The following HDLBP variants were observed in gnomAD, a reference collection of about 807,000 sequenced individuals.
HDLBP encodes the protein high density lipoprotein binding protein, also known as vigilin.
HDLBP carries 30 observed loss-of-function variants against 137.3 expected under a neutral mutation model. The observed-to-expected ratio is 0.22, with a 90% CI of 0.16 to 0.30. HDLBP has a LOEUF of 0.30. Among genes scored for constraint, HDLBP ranks in the 10% least tolerant of loss-of-function variants. HDLBP has a pLI of 1.00. For missense variants in HDLBP, 1,119 were observed against 1,667.3 expected (o/e 0.67, Z 5.73); for synonymous variants, 606 against 596.0 (o/e 1.02, Z -0.24).
intron 24 of HDLBP, among the ~76,000 whole-genome samples, chr2:241,231,791 T>C (rs537960401): frequency 4.6e-5 from 7 of 151,930 alleles, no homozygotes; most frequent in African/African-American, 7.3e-5. Context: ...GTTCAGGGCA[T>C]AGAGAAGGAA....
intron 1 of HDLBP, among the ~76,000 whole-genome samples, chr2:241,292,858 C>T (rs1278123202): frequency 1.3e-5 from 2 of 152,010 alleles, no homozygotes; most frequent in African/African-American, 2.4e-5. Context: ...ACTGCCTGTA[C>T]AAAAATAAAA....
Position 241,282,343 on chromosome 2 carries a change from C to A in HDLBP, c.-102-13802G>T, listed in dbSNP as rs909832792. Reference sequence around the variant, plus strand: ...TTGGCAAAAATAAAATCTGAAGACTCAAAAAAAAGTGTGGGAAAACAGGTG... The same window carrying A: ...TTGGCAAAAATAAAATCTGAAGACTAAAAAAAAAGTGTGGGAAAACAGGTG... On this transcript the variant is annotated intron_variant, in intron 1 of 27. Coordinates refer to ENST00000310931, the MANE Select transcript of HDLBP (RefSeq NM_005336.6). 6.6e-5 allele frequency among the ~76,000 whole-genome samples: 10 copies of A among 151,970 alleles called. No individual in the cohort carries two copies. In the South Asian group the frequency reaches 2.1e-3, roughly 32 times the overall value.
chr2:241,269,955 T>C (rs78825592), intron 1 of HDLBP, among the ~76,000 whole-genome samples: 2,434 of 152,250 alleles, frequency 0.016, 42 homozygotes, highest in African/African-American at 0.043. Flanking sequence ...CGGGCTCCAA[T>C]GTCACTTCTT....
chr2:241,300,435 C>T (rs534514468), intron 1 of HDLBP, among the ~76,000 whole-genome samples: 1 of 152,282 alleles, frequency 6.6e-6, no homozygotes, highest in South Asian at 2.1e-4. Flanking sequence ...CATCAATCAG[C>T]AAGGGCTTAA....
At chr2:241,247,970 T>C (rs2071808214) in intron 14 of HDLBP, 33 bp downstream of exon 14, 1 of 1,467,140 alleles carries the variant, frequency 6.8e-7, no homozygotes, top group East Asian at 2.3e-5. Context: ...CCCCAGGTGC[T>C]GTCATACAAG....
At chr2:241,290,917 T>C (rs1366230163) in intron 1 of HDLBP, among the ~76,000 whole-genome samples, 2 of 152,224 alleles carry the variant, frequency 1.3e-5, no homozygotes, top group African/African-American at 4.8e-5. Context: ...TAAGAATATA[T>C]TGTATGAAAA....
chr2:241,259,405 T>C (rs1327064324), intron 5 of HDLBP, among the ~76,000 whole-genome samples: 1 of 152,188 alleles, frequency 6.6e-6, no homozygotes, highest in Non-Finnish European at 1.5e-5. Context: ...TGAAATACTT[T>C]AAAAATTGAC....
chr2:241,230,539 G>A lies in HDLBP; in HGVS notation c.3474+220C>T, dbSNP rs746287153. Among the ~76,000 whole-genome samples the A allele has an allele frequency of 6.6e-5, 10 of 152,234 alleles. No individual in the cohort carries two copies. The highest frequency in any genetic ancestry group is 1.3e-4 in the Non-Finnish European group (9 of 68,044). ...CAGAGGACGAGCTCGCCAGGCAGCT[G>A]TCAAGGAGATGCCCTCCTAATGGCC... On this transcript the variant is annotated intron_variant, in intron 25 of 27. Transcript: ENST00000310931. The surrounding 1 kb of genome is among the most constrained non-coding windows in gnomAD (Gnocchi z 5.0).
At chr2:241,312,837 GATATC>G (rs1161857599) in intron 1 of HDLBP, among the ~76,000 whole-genome samples, 1 of 152,216 alleles carries the variant, frequency 6.6e-6, no homozygotes, top group Non-Finnish European at 1.5e-5. Context: ...AGGATCGTAA[GATATC>G]CCAGTGGACC....
chr2:241,266,344 A>G (rs2073674554), intron 3 of HDLBP, among the ~76,000 whole-genome samples: 1 of 152,152 alleles, frequency 6.6e-6, no homozygotes, highest in Non-Finnish European at 1.5e-5. Context: ...AAAATTGTAC[A>G]CGTGGCTTGT....
intron 1 of HDLBP, among the ~76,000 whole-genome samples, chr2:241,299,003 A>G (rs1453418852): frequency 6.6e-6 from 1 of 152,228 alleles, no homozygotes; most frequent in Non-Finnish European, 1.5e-5. Flanking sequence ...CAACGCATTC[A>G]TGTTGATTTC....
chr2:241,313,383 G>A (rs1249055846), intron 1 of HDLBP, among the ~76,000 whole-genome samples: 1 of 152,128 alleles, frequency 6.6e-6, no homozygotes, highest in African/African-American at 2.4e-5. Context: ...GGGTTCAAGC[G>A]ATTCTCATGC....
chr2:241,259,256 A>C (rs2072961140), intron 5 of HDLBP, among the ~76,000 whole-genome samples: 1 of 152,238 alleles, frequency 6.6e-6, no homozygotes, highest in Non-Finnish European at 1.5e-5. Context: ...CTCTCAAACA[A>C]CAAACAACAA....
chr2:241,267,720 G>A, intron 2 of HDLBP: 6 of 1,534,304 alleles, frequency 3.9e-6, no homozygotes, highest in Non-Finnish European at 5.2e-6. Flanking sequence ...TGCGTGACAG[G>A]AAAAAGCAGC....
At chr2:241,301,498 T>C (rs1229155459) in intron 1 of HDLBP, among the ~76,000 whole-genome samples, 1 of 152,202 alleles carries the variant, frequency 6.6e-6, no homozygotes, top group East Asian at 1.9e-4. Context: ...ATTCGGATGA[T>C]GCAGTGTATT....
intron 1 of HDLBP, among the ~76,000 whole-genome samples, chr2:241,297,825 G>C (rs944636255): frequency 6.6e-6 from 1 of 151,938 alleles, no homozygotes; most frequent in African/African-American, 2.4e-5. Flanking sequence ...GGCCAAGGCG[G>C]GTGGATCACC....
chr2:241,267,549 G>A, intron 2 of HDLBP: 1 of 1,530,828 alleles, frequency 6.5e-7, no homozygotes, highest in Non-Finnish European at 8.8e-7. Context: ...AGCGACCTTG[G>A]TTATTCTGTC....
In HDLBP at chr2:241,240,147, T is replaced by C. The variant is rs202095356; in HGVS notation, c.2170-25A>G. The C allele has an allele frequency of 3.1e-6, 5 of 1,608,874 alleles. No homozygotes were observed. Among genetic ancestry groups the C allele is most frequent in the Non-Finnish European group, 4.3e-6 (5 of 1,175,160 alleles). ...GCTGCAGAAACCAATCCCACTGTGT[T>C]AGCCTGACACCACGTGCCTGGACCA... is the stretch of plus-strand genomic sequence containing the variant. On this transcript the variant is annotated intron_variant, in intron 17 of 27. Coordinates refer to ENST00000310931, the MANE Select transcript of HDLBP (RefSeq NM_005336.6). The surrounding 1 kb of genome is among the most constrained non-coding windows in gnomAD (Gnocchi z 5.5).
At chr2:241,296,394 A>G (rs2075183458) in intron 1 of HDLBP, among the ~76,000 whole-genome samples, 2 of 152,236 alleles carry the variant, frequency 1.3e-5, no homozygotes, top group African/African-American at 4.8e-5. Flanking sequence ...TCAAACCCTG[A>G]AGCCCTGAAG....
Sources: allele counts gnomAD v4.1 joint callset (sites outside exome capture counted in the v4.1 genomes callset), GRCh38; gene constraint gnomAD v4.1.1; non-coding constraint Gnocchi (gnomAD v3.1); transcripts MANE v1.5; gene names NCBI Gene and HGNC (gene_info 2026-07-23, HGNC 2026-07-21).